Variants in SMAD3 observed in about 807,000 individuals in gnomAD.
SMAD3 encodes SMAD family member 3, also known as MAD homolog 3.
A neutral mutation model predicts 51.8 loss-of-function variants in SMAD3; 12 were observed. That is an observed-to-expected ratio of 0.23 (90% CI 0.15 to 0.38). SMAD3 has a LOEUF of 0.38. Among genes scored for constraint, SMAD3 ranks in the 10% least tolerant of loss-of-function variants. The pLI is 1.00. For missense variants in SMAD3, 294 were observed against 565.6 expected (o/e 0.52, Z 4.87); for synonymous variants, 238 against 227.7 (o/e 1.05, Z -0.41).
intron 1 of SMAD3, among the ~76,000 whole-genome samples, chr15:67,094,800 C>T (rs931166622): frequency 2.5e-5 from 3 of 121,142 alleles, no homozygotes; most frequent in Non-Finnish European, 3.4e-5. Flanking sequence ...CTTGATGTTC[C>T]AGAGCGTTTG....
chr15:67,102,174 T>C (rs1269219253), intron 1 of SMAD3, among the ~76,000 whole-genome samples: 1 of 152,020 alleles, frequency 6.6e-6, no homozygotes, highest in African/African-American at 2.4e-5. Context: ...ATGAGGATAA[T>C]TGACCCAGTG....
intron 1 of SMAD3, among the ~76,000 whole-genome samples, chr15:67,099,313 TTTA>T (rs2140222487): frequency 6.6e-6 from 1 of 152,336 alleles, no homozygotes; most frequent in African/African-American, 2.4e-5. Flanking sequence ...TGCATAGTAT[TTTA>T]TAGAGAAGGT....
chr15:67,170,400 A>T (rs1962715186), intron 4 of SMAD3, among the ~76,000 whole-genome samples, 154 bp from the exon 5 acceptor site: 1 of 152,178 alleles, frequency 6.6e-6, no homozygotes, highest in Admixed American at 6.5e-5. Flanking sequence ...AGTAGAGGCA[A>T]GGGTATGGGC....
chr15:67,161,508 C>A (rs1305378212), intron 1 of SMAD3, among the ~76,000 whole-genome samples: 1 of 152,198 alleles, frequency 6.6e-6, no homozygotes. Flanking sequence ...GCTATGATGT[C>A]CAGCTGGCCC....
chr15:67,187,764 T>C (rs1484595317), intron 8 of SMAD3, among the ~76,000 whole-genome samples: 13 of 152,116 alleles, frequency 8.5e-5, no homozygotes. Context: ...CTTATCCTCA[T>C]CCCAGCCCTG....
At chr15:67,180,323 G>A (rs958369885) in intron 5 of SMAD3, among the ~76,000 whole-genome samples, 1 of 152,016 alleles carries the variant, frequency 6.6e-6, no homozygotes. Context: ...CCACTGGGCC[G>A]GGGCAAGAGG....
chr15:67,121,353 G>A (rs1002054387), intron 1 of SMAD3, among the ~76,000 whole-genome samples: 11 of 152,184 alleles, frequency 7.2e-5, no homozygotes, highest in Non-Finnish European at 1.6e-4. Flanking sequence ...GGCCTTGTGG[G>A]TCCTGAGGGC....
intron 1 of SMAD3, among the ~76,000 whole-genome samples, chr15:67,085,868 G>GCA (rs78357581): frequency 0.24 from 23,755 of 99,612 alleles, 1,931 homozygotes; most frequent in Middle Eastern, 0.29. Flanking sequence ...AAAAAAGCGT[G>GCA]CACACACACA....
intron 1 of SMAD3, among the ~76,000 whole-genome samples, chr15:67,160,643 C>T (rs1245102971): frequency 1.3e-5 from 2 of 151,848 alleles, no homozygotes; most frequent in East Asian, 1.9e-4. Context: ...CGGTGCCAGG[C>T]GCCTGTAGTC....
chr15:67,099,112 A>G, intron 1 of SMAD3: 1 of 672,852 alleles, frequency 1.5e-6, no homozygotes, highest in Non-Finnish European at 2.7e-6. Flanking sequence ...TGACTTCTGC[A>G]TTCCTGGGAA....
intron 1 of SMAD3, among the ~76,000 whole-genome samples, chr15:67,069,828 C>T (rs1960012692): frequency 6.6e-6 from 1 of 152,118 alleles, no homozygotes; most frequent in Non-Finnish European, 1.5e-5. Context: ...GCCTCAGCCT[C>T]CCGAGTAGCT....
At chr15:67,141,584 T>C (rs763575430) in intron 1 of SMAD3, among the ~76,000 whole-genome samples, 26 of 152,178 alleles carry the variant, frequency 1.7e-4, no homozygotes, top group Non-Finnish European at 3.2e-4. Context: ...GGGACCCTTG[T>C]CTGGCAGTCC....
intron 1 of SMAD3, among the ~76,000 whole-genome samples, chr15:67,158,833 A>G (rs1338521941): frequency 1.3e-5 from 2 of 152,196 alleles, no homozygotes; most frequent in African/African-American, 2.4e-5. Context: ...AGGCAGGGAA[A>G]GAGATGTGTT....
At chr15:67,182,889 C>A (rs546558645) in intron 6 of SMAD3, among the ~76,000 whole-genome samples, 1 of 150,048 alleles carries the variant, frequency 6.7e-6, no homozygotes, top group Non-Finnish European at 1.5e-5. Context: ...GGCCCAGTCG[C>A]AAACTCTTGG....
At chr15:67,163,368 C>T (rs1170478725) in intron 1 of SMAD3, among the ~76,000 whole-genome samples, 2 of 152,150 alleles carry the variant, frequency 1.3e-5, no homozygotes, top group Admixed American at 6.5e-5. Flanking sequence ...CTTAGTGTCA[C>T]ACATAATAGG....
Position 67,194,692 on chromosome 15 carries a change from G to A in SMAD3, c.*4156G>A. The A allele has an allele frequency of 4.3e-6, 1 of 232,212 alleles. No homozygotes were observed. Among genetic ancestry groups the A allele is most frequent in the Non-Finnish European group, 8.5e-6 (1 of 117,162 alleles). 14.4% of individuals were successfully genotyped at this position (232,212 alleles called of 1,614,324 possible). ...TCTGAATGTTGGTGGAGGGTGTAGT[G>A]GCTTTTTGGCTCAGCATCCAGAAAC... On this transcript the variant is annotated 3_prime_UTR_variant, in exon 9 of 9. Transcript: ENST00000327367.
intron 3 of SMAD3, 116 bp downstream of exon 3, chr15:67,165,500 G>A: frequency 7.7e-7 from 1 of 1,303,340 alleles, no homozygotes; most frequent in Non-Finnish European, 1.1e-6. Context: ...CCCCCTCTTT[G>A]CGCACAGCTC....
intron 1 of SMAD3, among the ~76,000 whole-genome samples, chr15:67,087,725 T>C (rs1960424383): frequency 6.6e-6 from 1 of 151,184 alleles, no homozygotes; most frequent in Non-Finnish European, 1.5e-5. Flanking sequence ...GAGCAAAGTA[T>C]GCATTTCTTA....
At chr15:67,101,021 C>T (rs1960742978) in intron 1 of SMAD3, among the ~76,000 whole-genome samples, 1 of 152,188 alleles carries the variant, frequency 6.6e-6, no homozygotes. Flanking sequence ...GCTCAGGAAA[C>T]TGTCTGTCTC....
Sources: gnomAD v4.1 joint callset for allele counts (sites outside exome capture counted in the v4.1 genomes callset) on GRCh38, gnomAD v4.1.1 for gene constraint, MANE v1.5 for transcripts, NCBI Gene and HGNC (gene_info 2026-07-23, HGNC 2026-07-21) for gene names.